The following ARL5A variants were observed in gnomAD, a reference collection of about 807,000 sequenced individuals.
ARL5A encodes ARF like GTPase 5A, also known as ADP-ribosylation factor-like protein 5A.
In ARL5A, 18 loss-of-function variants were observed where a neutral mutation model predicts 25.9. The observed-to-expected ratio is 0.69, with a 90% confidence interval of 0.48 to 1.03. The LOEUF is 1.03. ARL5A is among the 50% of genes least tolerant of loss of function. The pLI, the probability that ARL5A is intolerant of heterozygous loss-of-function variation, is 0.00. For synonymous variants in ARL5A, 61 were observed against 67.5 expected, an observed-to-expected ratio of 0.90 and a Z score of 0.47; for missense variants, 170 against 211.9, an observed-to-expected ratio of 0.80 and a Z score of 1.23.
At chr2:151,807,441 G>C (rs2099830240) in intron 4 of ARL5A, among the ~76,000 whole-genome samples, 1 of 152,174 alleles carries the variant, frequency 6.6e-6, no homozygotes, top group East Asian at 1.9e-4. Context: ...CATTTCTCTT[G>C]CATGTATTTC....
At chr2:151,805,467 T>TTA (rs2099829967) in intron 5 of ARL5A, among the ~76,000 whole-genome samples, 1 of 152,224 alleles carries the variant, frequency 6.6e-6, no homozygotes, top group Non-Finnish European at 1.5e-5. Flanking sequence ...AATTCACCGC[T>TTA]TATTTCTCTT....
intron 5 of ARL5A, among the ~76,000 whole-genome samples, chr2:151,804,162 T>C (rs1337089287): frequency 1.3e-5 from 2 of 152,128 alleles, no homozygotes; most frequent in African/African-American, 4.8e-5. Context: ...AGTATACACA[T>C]GTTACATAAA....
Position 151,818,533 on chromosome 2 carries a change from T to C in ARL5A, c.47-3334A>G, listed in dbSNP as rs377202070. Among the ~76,000 whole-genome samples the C allele has an allele frequency of 3.9e-4, 60 of 152,300 alleles. 2 individuals carry two copies. In the South Asian group the frequency reaches 0.012, roughly 32 times the overall value. Reference sequence around the variant, plus strand: ...CTCAAGCAATCCTCCCGCCTCAGCCTCAAAAAGTGCTAGGATTACAGGTGC... The same window carrying C: ...CTCAAGCAATCCTCCCGCCTCAGCCCCAAAAAGTGCTAGGATTACAGGTGC... On this transcript the variant is annotated intron_variant, in intron 1 of 5. Transcript: ENST00000295087.
intron 1 of ARL5A, among the ~76,000 whole-genome samples, chr2:151,816,131 C>T (rs928347069): frequency 5.3e-5 from 8 of 152,190 alleles, no homozygotes; most frequent in African/African-American, 1.9e-4. Context: ...GCAGTTGCTG[C>T]CTGGCTGTCT....
chr2:151,802,813 T>C lies in ARL5A; in HGVS notation c.*463A>G, dbSNP rs532653981. The C allele has an allele frequency of 3.2e-5, 5 of 154,904 alleles. No individual in the cohort carries two copies. Among genetic ancestry groups the C allele is most frequent in the African/African-American group, 1.2e-4 (5 of 41,592 alleles). 9.6% of individuals were successfully genotyped at this position (154,904 alleles called of 1,614,324 possible). ...ACTTGAACTTGAGGTATATACACAATACACACACAACCTTAAGCAAAATAC... is the reference window on the plus strand; with the variant it reads ...ACTTGAACTTGAGGTATATACACAACACACACACAACCTTAAGCAAAATAC... On this transcript the variant is annotated 3_prime_UTR_variant, in exon 6 of 6. Coordinates refer to ENST00000295087, the MANE Select transcript of ARL5A (RefSeq NM_012097.4).
At chr2:151,810,809 T>C (rs1578374369) in intron 4 of ARL5A, among the ~76,000 whole-genome samples, 1 of 152,332 alleles carries the variant, frequency 6.6e-6, no homozygotes, top group South Asian at 2.1e-4. Flanking sequence ...GGAGACTACC[T>C]GTCAACAAAG....
chr2:151,825,855 T>G (rs1578384475), intron 1 of ARL5A, among the ~76,000 whole-genome samples: 2 of 150,448 alleles, frequency 1.3e-5, no homozygotes, highest in African/African-American at 4.9e-5. Flanking sequence ...CTGGGCACCA[T>G]GGCTCAGGCC....
At chr2:151,824,219 G>A (rs984279195) in intron 1 of ARL5A, among the ~76,000 whole-genome samples, 4 of 152,110 alleles carry the variant, frequency 2.6e-5, no homozygotes, top group Admixed American at 2.6e-4. Context: ...TTATAAAATA[G>A]GCTTTGGGTT....
intron 5 of ARL5A, among the ~76,000 whole-genome samples, chr2:151,805,348 TGAAAG>T (rs2099829949): frequency 2.0e-5 from 3 of 152,160 alleles, no homozygotes; most frequent in Admixed American, 6.5e-5. Context: ...ATCGTGGTCT[TGAAAG>T]GAAAACAATT....
intron 1 of ARL5A, chr2:151,827,850 G>T: frequency 2.1e-6 from 1 of 474,834 alleles, no homozygotes; most frequent in Non-Finnish European, 3.7e-6. Flanking sequence ...CCTAGGGCAA[G>T]AAACCTTTAC....
chr2:151,807,776 CT>C (rs1219148866), intron 4 of ARL5A, among the ~76,000 whole-genome samples: 1 of 152,168 alleles, frequency 6.6e-6, no homozygotes, highest in East Asian at 1.9e-4. Flanking sequence ...ATTAGAAGTT[CT>C]ATCACTTCAA....
chr2:151,815,187 A>G lies in ARL5A; in HGVS notation c.59T>C (p.Ile20Thr), dbSNP rs922494082. The change falls in exon 2 of 6, where the codon ATC (isoleucine) becomes ACC (threonine). Residue 20 changes from isoleucine to threonine, a missense_variant. By Grantham distance (89) the Ile-to-Thr change is moderately conservative. Coordinates refer to ENST00000295087, the MANE Select transcript of ARL5A (RefSeq NM_012097.4). ...CCCTGCATTATCCAGCCCAACAATG[A>G]TAACTTTGTGCTCTGAAATAGAGAA... The part of the protein sequence containing the change: ...RLFNHQEHKV[I>T]IVGLDNAGKT... 6.2e-7 allele frequency: 1 copy of G among 1,607,306 alleles called. No homozygotes were observed. Among genetic ancestry groups the G allele is most frequent in the Non-Finnish European group, 8.5e-7 (1 of 1,177,096 alleles).
chr2:151,828,387 G>T lies in ARL5A; in HGVS notation c.-211C>A, dbSNP rs2151299498. The stretch of plus-strand genomic sequence containing the variant: ...CCCCGCCGCTGCCGCCGCGGCACTC[G>T]CCTGGCTCGCGGACATCGCCGCCGC... On this transcript the variant is annotated 5_prime_UTR_variant, in exon 1 of 6. Coordinates refer to ENST00000295087, the MANE Select transcript of ARL5A (RefSeq NM_012097.4). The T allele has an allele frequency of 4.7e-6, 2 of 424,672 alleles. No individual in the cohort carries two copies. The highest frequency in any genetic ancestry group is 7.9e-5 in the East Asian group (2 of 25,218). 26.3% of individuals were successfully genotyped at this position (424,672 alleles called of 1,614,324 possible).
intron 4 of ARL5A, among the ~76,000 whole-genome samples, chr2:151,808,145 G>C (rs954595020): frequency 6.6e-6 from 1 of 152,066 alleles, no homozygotes; most frequent in Non-Finnish European, 1.5e-5. Context: ...ATGGATACTG[G>C]GCCAAGAATC....
intron 1 of ARL5A, among the ~76,000 whole-genome samples, chr2:151,820,980 T>C (rs865961133): frequency 6.6e-6 from 1 of 152,188 alleles, no homozygotes; most frequent in Non-Finnish European, 1.5e-5. Context: ...AGTGAATAAC[T>C]AAATCCAGGT....
intron 4 of ARL5A, among the ~76,000 whole-genome samples, chr2:151,808,292 G>A (rs1397296541): frequency 6.6e-6 from 1 of 152,082 alleles, no homozygotes; most frequent in African/African-American, 2.4e-5. Flanking sequence ...TCTTCTTAGG[G>A]ATTTTACTGA....
rs1553735349 is a variant in ARL5A at position 151,828,199 on chromosome 2, C to CT, written c.-24dup. The CT allele has an allele frequency of 4.5e-5, 72 of 1,600,954 alleles. No homozygotes were observed. The highest frequency in any genetic ancestry group is 5.4e-5 in the African/African-American group (4 of 74,046). On this transcript the variant is annotated 5_prime_UTR_variant, in exon 1 of 6. Coordinates refer to ENST00000295087, the MANE Select transcript of ARL5A (RefSeq NM_012097.4). Reference sequence around the variant, plus strand: ...CATTCTCGGGCAGCGGACCCCCCCCCTCCAGACACCCGGGCCGCCTGGCTT... The same window carrying CT: ...CATTCTCGGGCAGCGGACCCCCCCCCTTCCAGACACCCGGGCCGCCTGGCTT...
At chr2:151,823,288 A>T (rs962066263) in intron 1 of ARL5A, among the ~76,000 whole-genome samples, 6 of 152,242 alleles carry the variant, frequency 3.9e-5, no homozygotes, top group African/African-American at 1.4e-4. Flanking sequence ...TATCTGCTTA[A>T]GTCGTTTTGT....
intron 1 of ARL5A, chr2:151,827,431 C>T (rs1315453157): frequency 6.6e-6 from 1 of 152,180 alleles, no homozygotes; most frequent in Non-Finnish European, 1.5e-5. Flanking sequence ...CAGTGAAACA[C>T]TTTAACATTT....
Sources: allele counts gnomAD v4.1 joint callset (sites outside exome capture counted in the v4.1 genomes callset), GRCh38; gene constraint gnomAD v4.1.1; transcripts MANE v1.5; gene names NCBI Gene and HGNC (gene_info 2026-07-23, HGNC 2026-07-21).